Variants in NME4 observed in about 807,000 individuals in gnomAD.
NME4 encodes the protein nucleoside diphosphate kinase D, mitochondrial.
Under a neutral mutation model 16.4 loss-of-function variants are expected in NME4, and 21 were observed. The observed-to-expected ratio is 1.28, with a 90% CI of 0.91 to 1.84. The LOEUF is 1.84. Among genes scored for constraint, NME4 ranks in the 40% most tolerant of loss-of-function variants. The pLI, the probability that NME4 is intolerant of heterozygous loss-of-function variation, is 0.00. For missense variants in NME4, 316 were observed against 261.3 expected (o/e 1.21, Z -1.44); for synonymous variants, 132 against 107.5 (o/e 1.23, Z -1.41).
upstream of NME4, chr16:397,143 G>A (rs998611164): frequency 4.1e-6 from 2 of 484,162 alleles, no homozygotes; most frequent in Non-Finnish European, 5.3e-6. Flanking sequence ...GGGCTCCCGG[G>A]CGGGCGGGGG....
intron 2 of NME4, 72 bp downstream of exon 2, chr16:399,195 C>T: frequency 6.3e-7 from 1 of 1,583,962 alleles, no homozygotes; most frequent in Non-Finnish European, 8.7e-7. Flanking sequence ...CCTTTCACAT[C>T]CCAGCCAGCG....
rs2054589906 is a variant in NME4 at position 398,220 on chromosome 16, A to G, written c.92-770A>G. On this transcript the variant is annotated intron_variant, in intron 1 of 4. Transcript: ENST00000219479. ...GTTTCCCTGGCAGCGTCCCCTCCAGAGGAGGACGGCTGGGGCGGAGCTCAG... is the reference window on the plus strand; with the variant it reads ...GTTTCCCTGGCAGCGTCCCCTCCAGGGGAGGACGGCTGGGGCGGAGCTCAG... The G allele has an allele frequency of 3.4e-6, 5 of 1,450,718 alleles. No homozygotes were observed. The East Asian group carries it at 1.6e-4, about 46-fold the overall frequency. 89.9% of individuals were successfully genotyped at this position (1,450,718 alleles called of 1,614,324 possible).
intron 1 of NME4, 116 bp downstream of exon 1, chr16:397,429 C>A (rs1379205841): frequency 3.4e-6 from 1 of 292,432 alleles, no homozygotes; most frequent in Non-Finnish European, 5.1e-6. Flanking sequence ...GGCCTCGGGG[C>A]GCGGGCTGCG....
Position 400,281 on chromosome 16 carries a change from A to G in NME4, c.503A>G (p.Gln168Arg). 1.2e-6 allele frequency: 2 copies of G among 1,606,634 alleles called. No individual in the cohort carries two copies. Among genetic ancestry groups the G allele is most frequent in the Non-Finnish European group, 1.7e-6 (2 of 1,176,082 alleles). The change falls in exon 5 of 5, where the codon CAG (glutamine) becomes CGG (arginine). Residue 168 changes from glutamine (Q) to arginine (R), a missense_variant. Physicochemically the swap from Gln to Arg is conservative, Grantham distance 43. Transcript: ENST00000219479. The part of the protein sequence containing the change: ...GAQREIQLWF[Q>R]SSELVSWADG... ...CAGCGGGAGATCCAGCTGTGGTTCC[A>G]GAGCAGTGAGCTGGTGAGCTGGGCA...
chr16:400,100 T>C (rs1334131003), intron 4 of NME4, 119 bp from the exon 5 acceptor site: 2 of 1,428,842 alleles, frequency 1.4e-6, no homozygotes, highest in Non-Finnish European at 2.0e-6. Context: ...ACTCCTTCCC[T>C]GTCTGCAGTC....
chr16:400,544 C>A lies in NME4; in HGVS notation c.*202C>A, dbSNP rs757007491. The A allele has an allele frequency of 1.1e-5, 6 of 550,740 alleles. No individual in the cohort carries two copies. The highest frequency in any genetic ancestry group is 1.8e-5 in the Non-Finnish European group (6 of 329,218). The allele number at this position is 550,740 out of a possible 1,614,324, so 34.1% of individuals were successfully genotyped here. A position where few individuals can be genotyped will look rare whatever the true frequency, so the allele number is the denominator to read the frequency against. On this transcript the variant is annotated 3_prime_UTR_variant, in exon 5 of 5. Transcript: ENST00000219479. ...AAGCCAGCACAAGATTGGACCAATC[C>A]TTTTTGCACCAAAGTGCCGGACAAC...
Position 399,395 on chromosome 16 carries a change from T to C in NME4, c.242T>C (p.Leu81Pro). Reference sequence around the variant, plus strand: ...GCCACCCAGGCACCAGAGAGCGTCCTTGCCGAGCACTACCAGGACCTGCGG... The same window carrying C: ...GCCACCCAGGCACCAGAGAGCGTCCCTGCCGAGCACTACCAGGACCTGCGG... ...MKMLQAPESV[L>P]AEHYQDLRRK... The change falls in exon 3 of 5, where the codon CTT becomes CCT. Residue 81 changes from leucine (L) to proline (P), a missense_variant. Transcript: ENST00000219479. The C allele has an allele frequency of 3.7e-6, 6 of 1,612,944 alleles. No individual in the cohort carries two copies. The highest frequency in any genetic ancestry group is 5.1e-6 in the Non-Finnish European group (6 of 1,179,978).
At chr16:398,763 CT>C in intron 1 of NME4, 1 of 618,576 alleles carries the variant, frequency 1.6e-6, no homozygotes. Flanking sequence ...GCCATGGCCC[CT>C]GGGAGAGGCT....
At chr16:398,510 G>A (rs900123321) in intron 1 of NME4, 3 of 819,898 alleles carry the variant, frequency 3.7e-6, no homozygotes, top group Non-Finnish European at 4.9e-6. Context: ...ATCCAGAAGG[G>A]ATGGAGTCAA....
At chr16:398,355 C>T in intron 1 of NME4, 1 of 1,281,492 alleles carries the variant, frequency 7.8e-7, no homozygotes, top group Non-Finnish European at 1.0e-6. Flanking sequence ...TCTTCAGGCC[C>T]CTTTTTGTCC....
intron 4 of NME4, 168 bp from the exon 5 acceptor site, chr16:400,051 C>T (rs903425799): frequency 2.8e-5 from 30 of 1,063,542 alleles, no homozygotes; most frequent in Middle Eastern, 4.2e-4. Context: ...TGTAAGAGGC[C>T]GAGGCCAGGC....
chr16:399,238 G>T, intron 2 of NME4, 115 bp downstream of exon 2: 1 of 1,473,966 alleles, frequency 6.8e-7, no homozygotes, highest in Non-Finnish European at 9.5e-7. Flanking sequence ...CAGTTGAAGG[G>T]GCAGGAGGGA....
chr16:396,786 C>G (rs1368398036), upstream of NME4: 1 of 152,418 alleles, frequency 6.6e-6, no homozygotes, highest in African/African-American at 2.4e-5. Context: ...GGGGCTCAGA[C>G]CAGGGCTTCT....
At position 399,069 on chromosome 16, in the gene NME4, G is replaced by A. The variant is rs761884165; in HGVS notation, c.171G>A (p.Val57=). The change falls in exon 2 of 5, where the codon GTG becomes GTA. Residue 57 remains valine (V), a synonymous_variant. Transcript: ENST00000219479. ...TGCAACGGCGGCTCGTTGGGGACGTGATCCAGCGCTTTGAGAGGCGGGGCT... is the reference window on the plus strand; with the variant it reads ...TGCAACGGCGGCTCGTTGGGGACGTAATCCAGCGCTTTGAGAGGCGGGGCT... ...DGVQRRLVGD[V]IQRFERRGFT... The A allele has an allele frequency of 1.6e-5, 26 of 1,604,980 alleles. No homozygotes were observed. Among genetic ancestry groups the A allele is most frequent in the Non-Finnish European group, 2.0e-5 (24 of 1,179,038 alleles).
chr16:398,858 C>A (rs530400225), intron 1 of NME4, 132 bp from the exon 2 acceptor site: 1 of 1,241,082 alleles, frequency 8.1e-7, no homozygotes, highest in Non-Finnish European at 1.1e-6. Flanking sequence ...CCATCCCTGT[C>A]CCTTCCAGAG....
chr16:400,005 C>A, intron 4 of NME4: 1 of 738,414 alleles, frequency 1.4e-6, no homozygotes, highest in African/African-American at 1.8e-5. Flanking sequence ...GGAAATGAGG[C>A]TCCCAAAAGC....
Position 397,233 on chromosome 16 carries a change from T to C in NME4, c.11T>C (p.Leu4Pro), listed in dbSNP as rs2054559966. The C allele has an allele frequency of 8.7e-6, 9 of 1,031,968 alleles. No homozygotes were observed. The South Asian group carries it at 4.0e-4, about 46-fold the overall frequency. The allele number at this position is 1,031,968 out of a possible 1,614,324, so 63.9% of individuals were successfully genotyped here. ...CGCGGGCCGGGCGTCATGGGCGGCCTCTTCTGGCGCTCCGCGCTGCGGGGG... is the reference window on the plus strand; with the variant it reads ...CGCGGGCCGGGCGTCATGGGCGGCCCCTTCTGGCGCTCCGCGCTGCGGGGG... The part of the protein sequence containing the change: MGG[L>P]FWRSALRGLR... Residue 4 changes from leucine to proline, a missense_variant, in exon 1 of 5, where the codon CTC becomes CCC. Leu to Pro is a moderately conservative substitution (Grantham distance 98). Coordinates refer to ENST00000219479, the MANE Select transcript of NME4 (RefSeq NM_005009.3).
upstream of NME4, chr16:397,178 C>T (rs1402163062): frequency 2.7e-5 from 24 of 890,026 alleles, no homozygotes; most frequent in Non-Finnish European, 3.0e-5. Flanking sequence ...GCACCGCCCT[C>T]CGCGCCCGCT....
rs188016922 is a variant in NME4 at position 400,564 on chromosome 16, G to A, written c.*222G>A. 380 of 505,414 alleles carry A rather than the reference G, an allele frequency of 7.5e-4. 1 individual carries two copies. The highest frequency in any genetic ancestry group is 6.5e-3 in the African/African-American group (330 of 51,064). 31.3% of individuals were successfully genotyped at this position (505,414 alleles called of 1,614,324 possible). On this transcript the variant is annotated 3_prime_UTR_variant, in exon 5 of 5. Coordinates refer to ENST00000219479, the MANE Select transcript of NME4 (RefSeq NM_005009.3). ...CAATCCTTTTTGCACCAAAGTGCCGGACAACCTTTGTGGTGGGGGGGGGTC... is the reference window on the plus strand; with the variant it reads ...CAATCCTTTTTGCACCAAAGTGCCGAACAACCTTTGTGGTGGGGGGGGGTC...
Sources: gnomAD v4.1 joint callset for allele counts on GRCh38, gnomAD v4.1.1 for gene constraint, MANE v1.5 for transcripts, NCBI Gene and HGNC (gene_info 2026-07-23, HGNC 2026-07-21) for gene names.